Variants in HTR2A observed in about 807,000 individuals in gnomAD.
HTR2A encodes 5-hydroxytryptamine receptor 2A.
HTR2A carries 14 observed loss-of-function variants against 31.0 expected under a neutral mutation model. The ratio of observed to expected loss-of-function variants is 0.45; its 90% CI spans 0.30 to 0.71. The LOEUF is 0.71. Ranked by LOEUF, HTR2A falls within the 30% of genes least tolerant of loss-of-function variation. The pLI, the probability that HTR2A is intolerant of heterozygous loss-of-function variation, is 0.09. For missense variants in HTR2A, 442 were observed against 573.3 expected, an observed-to-expected ratio of 0.77 and a Z score of 2.34; for synonymous variants, 209 against 225.2, an observed-to-expected ratio of 0.93 and a Z score of 0.64.
chr13:46,867,312 T>A (rs945514665), intron 3 of HTR2A, among the ~76,000 whole-genome samples: 2 of 152,162 alleles, frequency 1.3e-5, no homozygotes, highest in African/African-American at 4.8e-5. Flanking sequence ...AAATACTTAC[T>A]TACATTTAAA....
chr13:46,892,721 G>A, intron 2 of HTR2A, 131 bp from the exon 3 acceptor site: 4 of 698,506 alleles, frequency 5.7e-6, no homozygotes, highest in Non-Finnish European at 9.7e-6. Flanking sequence ...TATATTTTTA[G>A]TATTTGAAAA....
At position 46,897,023 on chromosome 13, in the gene HTR2A, C is replaced by T; in HGVS notation, c.-678G>A. 1 of 574,012 alleles carries T rather than the reference C, an allele frequency of 1.7e-6. No homozygotes were observed. The highest frequency in any genetic ancestry group is 3.0e-6 in the Non-Finnish European group (1 of 329,016). 35.6% of individuals were successfully genotyped at this position (574,012 alleles called of 1,614,324 possible). On this transcript the variant is annotated 5_prime_UTR_variant, in exon 1 of 4. Coordinates refer to ENST00000542664, the MANE Select transcript of HTR2A (RefSeq NM_000621.5). ...GAAGAGCTGTCTGCACCAAGGGACT[C>T]CTGGTTTCCACGGGAATGGAGTAGC...
chr13:46,885,077 A>G (rs969381092), intron 3 of HTR2A, among the ~76,000 whole-genome samples: 2 of 152,100 alleles, frequency 1.3e-5, no homozygotes, highest in Admixed American at 6.6e-5. Flanking sequence ...ATGCGTACCT[A>G]TGATAAAACT....
At chr13:46,876,162 A>G (rs1338308088) in intron 3 of HTR2A, among the ~76,000 whole-genome samples, 2 of 151,866 alleles carry the variant, frequency 1.3e-5, no homozygotes, top group African/African-American at 2.4e-5. Flanking sequence ...ATATTATTCT[A>G]TCTTCTTTGA....
rs1757675998 is a variant in HTR2A at position 46,895,860 on chromosome 13, T to C, written c.47A>G (p.Asn16Ser). The change falls in exon 2 of 4, where the codon AAC (asparagine) becomes AGC (serine). Residue 16 changes from asparagine (N) to serine (S), a missense_variant. Asn to Ser is a conservative substitution (Grantham distance 46). Around this residue, in one of 5 missense-constraint regions of HTR2A, gnomAD observed 83 missense variants for 84.8 expected, o/e 0.98. Coordinates refer to ENST00000542664, the MANE Select transcript of HTR2A (RefSeq NM_000621.5). This position sits in a 1 kb window ranked among gnomAD's most constrained non-coding sequence, Gnocchi z 4.4. ...EENTSLSSTT[N>S]SLMQLNDDTR... ...GTCATCATTTAATTGCATTAGGGAG[T>C]TCGTAGTTGAGCTCAAAGAAGTATT... 5 of 1,612,990 alleles carry C rather than the reference T, an allele frequency of 3.1e-6. No individual in the cohort carries two copies. The highest frequency in any genetic ancestry group is 4.2e-6 in the Non-Finnish European group (5 of 1,179,710).
intron 2 of HTR2A, among the ~76,000 whole-genome samples, 184 bp from the exon 3 acceptor site, chr13:46,892,774 G>T (rs1460222905): frequency 1.3e-5 from 2 of 152,242 alleles, no homozygotes; most frequent in East Asian, 3.8e-4. Context: ...AGCTAGCACT[G>T]GCTGATGAAT....
At chr13:46,861,726 T>G (rs2138214651) in intron 3 of HTR2A, among the ~76,000 whole-genome samples, 1 of 152,334 alleles carries the variant, frequency 6.6e-6, no homozygotes, top group Admixed American at 6.5e-5. Context: ...GTGGATTATT[T>G]CAGAGCAATT....
chr13:46,875,618 C>T (rs879513130), intron 3 of HTR2A, among the ~76,000 whole-genome samples: 1 of 152,094 alleles, frequency 6.6e-6, no homozygotes, highest in Non-Finnish European at 1.5e-5. Context: ...TTAAACAGGG[C>T]CCTAGAGTGT....
At chr13:46,866,216 T>C (rs1950817235) in intron 3 of HTR2A, among the ~76,000 whole-genome samples, 1 of 152,186 alleles carries the variant, frequency 6.6e-6, no homozygotes, top group Admixed American at 6.5e-5. Context: ...GCATCTGTGC[T>C]ATTAGCCCAG....
chr13:46,874,401 C>T (rs1593439240), intron 3 of HTR2A, among the ~76,000 whole-genome samples: 1 of 152,294 alleles, frequency 6.6e-6, no homozygotes, highest in East Asian at 1.9e-4. Flanking sequence ...CATGTTTCTT[C>T]CTTCTATTTC....
Position 46,896,872 on chromosome 13 carries a change from T to C in HTR2A, c.-527A>G, listed in dbSNP as rs1181591080. The stretch of plus-strand genomic sequence containing the variant: ...CAGCTCCCGCACTGCTAGGATCCTG[T>C]TGGCTTCCTCTGGCACGGCTCGGCT... On this transcript the variant is annotated 5_prime_UTR_variant, in exon 1 of 4. Coordinates refer to ENST00000542664, the MANE Select transcript of HTR2A (RefSeq NM_000621.5). The C allele has an allele frequency of 7.0e-5, 107 of 1,528,732 alleles. No individual in the cohort carries two copies. Among genetic ancestry groups the C allele is most frequent in the Non-Finnish European group, 9.2e-5 (105 of 1,141,786 alleles). The allele number at this position is 1,528,732 out of a possible 1,614,324, so 94.7% of individuals were successfully genotyped here. A position where few individuals can be genotyped will look rare whatever the true frequency, so the allele number is the denominator to read the frequency against.
At chr13:46,873,288 C>T (rs1376472855) in intron 3 of HTR2A, among the ~76,000 whole-genome samples, 1 of 151,558 alleles carries the variant, frequency 6.6e-6, no homozygotes, top group Non-Finnish European at 1.5e-5. Flanking sequence ...TGTTTTAACT[C>T]ATGTGGTAGT....
At chr13:46,885,835 C>T (rs1321437914) in intron 3 of HTR2A, among the ~76,000 whole-genome samples, 1 of 152,178 alleles carries the variant, frequency 6.6e-6, no homozygotes, top group East Asian at 1.9e-4. Flanking sequence ...GTTTAAGAGG[C>T]TAAACATGTT....
intron 3 of HTR2A, among the ~76,000 whole-genome samples, chr13:46,836,393 T>A (rs1460721274): frequency 6.6e-6 from 1 of 152,206 alleles, no homozygotes; most frequent in African/African-American, 2.4e-5. Context: ...CATGTACATA[T>A]AAAAGCAAAT....
At chr13:46,844,818 G>A (rs979208190) in intron 3 of HTR2A, among the ~76,000 whole-genome samples, 2 of 152,166 alleles carry the variant, frequency 1.3e-5, no homozygotes, top group Non-Finnish European at 2.9e-5. Context: ...CATCTGTAAG[G>A]TGGAGATAAT....
Position 46,896,261 on chromosome 13 carries a change from C to G in HTR2A, c.-328-27G>C. 3.7e-6 allele frequency: 4 copies of G among 1,089,916 alleles called. No homozygotes were observed. In the South Asian group the frequency reaches 1.5e-4, roughly 40 times the overall value. 67.5% of individuals were successfully genotyped at this position (1,089,916 alleles called of 1,614,324 possible). On this transcript the variant is annotated intron_variant, in intron 1 of 3. Transcript: ENST00000542664. Reference sequence around the variant, plus strand: ...TGGACAAAGAAGAAAAGTTTTATAACTACTGGGACTCTTGTTTAACTATAT... The same window carrying G: ...TGGACAAAGAAGAAAAGTTTTATAAGTACTGGGACTCTTGTTTAACTATAT...
At chr13:46,842,713 T>C (rs181098931) in intron 3 of HTR2A, among the ~76,000 whole-genome samples, 30 of 152,322 alleles carry the variant, frequency 2.0e-4, no homozygotes, top group Non-Finnish European at 4.1e-4. Flanking sequence ...TCTCTCTCTG[T>C]TGCTCTCTTC....
chr13:46,883,718 C>A (rs1950984807), intron 3 of HTR2A, among the ~76,000 whole-genome samples: 1 of 152,110 alleles, frequency 6.6e-6, no homozygotes. Context: ...ACAGTTACTG[C>A]TGATCATGGG....
At position 46,891,892 on chromosome 13, in the gene HTR2A, C is replaced by T. The variant is rs186230761; in HGVS notation, c.613+498G>A. On this transcript the variant is annotated intron_variant, in intron 3 of 3. Coordinates refer to ENST00000542664, the MANE Select transcript of HTR2A (RefSeq NM_000621.5). ...AGGAAGGTCAATAGGGACACTGGGT[C>T]GGACTGAAAAGCAGCCTTGCCCCAA... Among the ~76,000 whole-genome samples, 183 of 152,304 alleles carry T rather than the reference C, an allele frequency of 1.2e-3. 1 individual carries two copies. The highest frequency in any genetic ancestry group is 3.9e-3 in the African/African-American group (164 of 41,550).
Sources: allele counts gnomAD v4.1 joint callset (sites outside exome capture counted in the v4.1 genomes callset), GRCh38; gene constraint gnomAD v4.1.1; regional missense constraint gnomAD v4.1.1; non-coding constraint Gnocchi (gnomAD v3.1); transcripts MANE v1.5; gene names NCBI Gene and HGNC (gene_info 2026-07-23, HGNC 2026-07-21).